WDR19: variants seen among roughly 807,000 people sequenced by gnomAD.
The protein encoded by WDR19 is WD repeat-containing protein 19.
Under a neutral mutation model 180.0 loss-of-function variants are expected in WDR19, and 121 were observed. That is an observed-to-expected ratio of 0.67 (90% CI 0.58 to 0.78). The LOEUF (loss-of-function observed/expected upper bound fraction) is 0.78, where lower values mean the gene tolerates loss of function less well. Among genes scored for constraint, WDR19 ranks in the 30% least tolerant of loss-of-function variants. The pLI, the probability that WDR19 is intolerant of heterozygous loss-of-function variation, is 0.00. For synonymous variants in WDR19, 497 were observed against 540.7 expected, an observed-to-expected ratio of 0.92 and a Z score of 1.12; for missense variants, 1,450 against 1,640.7, an observed-to-expected ratio of 0.88 and a Z score of 2.01.
At chr4:39,188,267 A>G (rs1042056709) in intron 3 of WDR19, among the ~76,000 whole-genome samples, 1 of 152,172 alleles carries the variant, frequency 6.6e-6, no homozygotes, top group Non-Finnish European at 1.5e-5. Context: ...AAGAAAAGGT[A>G]AATATTTTTA....
chr4:39,207,722 T>C (rs575168433), intron 9 of WDR19, among the ~76,000 whole-genome samples: 8 of 152,296 alleles, frequency 5.3e-5, no homozygotes, highest in African/African-American at 1.9e-4. Context: ...ACTATCTTGC[T>C]CTCTAAAAGA....
intron 17 of WDR19, among the ~76,000 whole-genome samples, chr4:39,231,219 G>T (rs142682335): frequency 9.7e-4 from 146 of 151,202 alleles, no homozygotes; most frequent in Middle Eastern, 3.5e-3. Flanking sequence ...GCTGAAGCAG[G>T]AGAATAACTT....
intron 28 of WDR19, among the ~76,000 whole-genome samples, chr4:39,260,874 C>A (rs1734219305): frequency 6.6e-6 from 1 of 152,166 alleles, no homozygotes; most frequent in African/African-American, 2.4e-5. Flanking sequence ...TACAATCTAA[C>A]CCTAATTACC....
chr4:39,183,296 CTG>C (rs1355534050), intron 1 of WDR19, among the ~76,000 whole-genome samples: 7 of 125,432 alleles, frequency 5.6e-5, no homozygotes, highest in Admixed American at 3.2e-4. Context: ...GTTACCCAGG[CTG>C]GAGTGCAGTG....
intron 19 of WDR19, among the ~76,000 whole-genome samples, chr4:39,232,701 C>CAAA (rs552621075): frequency 9.4e-6 from 1 of 106,384 alleles, no homozygotes; most frequent in Non-Finnish European, 2.0e-5. Flanking sequence ...GACTCCGTCT[C>CAAA]AAAAAAAAAA....
At position 39,244,528 on chromosome 4, in the gene WDR19, C is replaced by T; in HGVS notation, c.2621C>T (p.Ser874Phe). The part of the protein sequence containing the change: ...EKGLYYDKAA[S>F]VYIRSKNWAK... Reference sequence around the variant, plus strand: ...GGTCTCTACTACGATAAAGCAGCATCTGTTTACATCCGCTCTAAGAATTGG... The same window carrying T: ...GGTCTCTACTACGATAAAGCAGCATTTGTTTACATCCGCTCTAAGAATTGG... The change falls in exon 23 of 37, where the codon TCT becomes TTT. Residue 874 changes from serine (S) to phenylalanine (F), a missense_variant. By Grantham distance (155) the Ser-to-Phe change is radical. Coordinates refer to ENST00000399820, the MANE Select transcript of WDR19 (RefSeq NM_025132.4). 1 of 1,614,010 alleles carries T rather than the reference C, an allele frequency of 6.2e-7. No homozygotes were observed. The highest frequency in any genetic ancestry group is 8.5e-7 in the Non-Finnish European group (1 of 1,179,888).
chr4:39,285,357 G>C (rs895039924), intron 36 of WDR19, 130 bp from the exon 37 acceptor site: 4 of 152,124 alleles, frequency 2.6e-5, no homozygotes, highest in African/African-American at 2.4e-5. Context: ...TTTCTAACTT[G>C]AATGTTTCCT....
Position 39,285,647 on chromosome 4 carries a change from A to G in WDR19, c.*174A>G, listed in dbSNP as rs780059232. ...TACGGTGGCAAAACGATGACATGTAACCTTGCTGTTTATTGTACTTTGTAT... is the reference window on the plus strand; with the variant it reads ...TACGGTGGCAAAACGATGACATGTAGCCTTGCTGTTTATTGTACTTTGTAT... On this transcript the variant is annotated 3_prime_UTR_variant, in exon 37 of 37. Transcript: ENST00000399820. The G allele has an allele frequency of 1.3e-5, 2 of 152,194 alleles. No homozygotes were observed. Among genetic ancestry groups the G allele is most frequent in the Non-Finnish European group, 2.9e-5 (2 of 68,042 alleles). 9.4% of individuals were successfully genotyped at this position (152,194 alleles called of 1,614,324 possible). A position where few individuals can be genotyped will look rare whatever the true frequency, so the allele number is the denominator to read the frequency against.
chr4:39,229,485 C>A (rs1347013876), intron 17 of WDR19, among the ~76,000 whole-genome samples: 7 of 152,154 alleles, frequency 4.6e-5, no homozygotes, highest in Non-Finnish European at 1.0e-4. Flanking sequence ...TAAAATAAAC[C>A]TAATTATTTC....
rs2109301637 is a variant in WDR19 at position 39,205,746 on chromosome 4, T to A, written c.890+10T>A. The A allele has an allele frequency of 6.3e-7, 1 of 1,574,972 alleles. No homozygotes were observed. Among genetic ancestry groups the A allele is most frequent in the Non-Finnish European group, 8.6e-7 (1 of 1,158,770 alleles). On this transcript the variant is annotated intron_variant, in intron 9 of 36. Coordinates refer to ENST00000399820, the MANE Select transcript of WDR19 (RefSeq NM_025132.4). The stretch of plus-strand genomic sequence containing the variant: ...CATGTGGAGATAACTGGTAAGTTAT[T>A]TTCACATATTTTTAGGAAAGCTTAT...
chr4:39,260,537 C>T (rs2109463955), intron 28 of WDR19, among the ~76,000 whole-genome samples: 1 of 152,178 alleles, frequency 6.6e-6, no homozygotes, highest in South Asian at 2.1e-4. Context: ...GACAGGGTTT[C>T]ACCATGTTGG....
At chr4:39,220,870 A>ATTTTT (rs34845614) in intron 14 of WDR19, among the ~76,000 whole-genome samples, 15 of 60,646 alleles carry the variant, frequency 2.5e-4, no homozygotes, top group African/African-American at 5.2e-4. Flanking sequence ...CTGCTAATTA[A>ATTTTT]TTTTTTTTTT....
intron 1 of WDR19, among the ~76,000 whole-genome samples, chr4:39,182,971 G>A (rs1345756257): frequency 6.6e-6 from 1 of 152,142 alleles, no homozygotes; most frequent in Non-Finnish European, 1.5e-5. Context: ...CATTTCTTGG[G>A]GCTAAGCCTC....
At chr4:39,257,989 C>A (rs764808610) in intron 28 of WDR19, among the ~76,000 whole-genome samples, 5 of 151,492 alleles carry the variant, frequency 3.3e-5, no homozygotes, top group Non-Finnish European at 2.9e-5. Context: ...CAGTCAATAT[C>A]CCCCACCAAA....
At chr4:39,253,412 G>A (rs1269849469) in intron 25 of WDR19, 120 bp downstream of exon 25, 3 of 1,174,234 alleles carry the variant, frequency 2.6e-6, no homozygotes, top group Non-Finnish European at 3.5e-6. Context: ...TTTTTATCAG[G>A]TCTAAGCGTT....
chr4:39,275,067 C>T, intron 33 of WDR19, 109 bp downstream of exon 33: 1 of 1,330,136 alleles, frequency 7.5e-7, no homozygotes. Context: ...GGGCCAGGTG[C>T]AGTGGCTCAC....
At chr4:39,251,953 T>C (rs1733243853) in intron 24 of WDR19, among the ~76,000 whole-genome samples, 1 of 152,170 alleles carries the variant, frequency 6.6e-6, no homozygotes, top group Non-Finnish European at 1.5e-5. Flanking sequence ...GGTGTGGTGA[T>C]TCCTCAGGGA....
intron 3 of WDR19, among the ~76,000 whole-genome samples, chr4:39,189,240 A>G (rs1275381708): frequency 6.6e-6 from 1 of 152,126 alleles, no homozygotes; most frequent in Non-Finnish European, 1.5e-5. Flanking sequence ...TTTCTTATCA[A>G]TACCTTCTTG....
chr4:39,247,775 G>A (rs925308686), intron 24 of WDR19, among the ~76,000 whole-genome samples: 14 of 152,176 alleles, frequency 9.2e-5, no homozygotes, highest in Non-Finnish European at 1.2e-4. Flanking sequence ...CGAAATGAAT[G>A]AAATGAAGTG....
Sources: allele counts gnomAD v4.1 joint callset (sites outside exome capture counted in the v4.1 genomes callset), GRCh38; gene constraint gnomAD v4.1.1; transcripts MANE v1.5; gene names NCBI Gene and HGNC (gene_info 2026-07-23, HGNC 2026-07-21).